Variants in PDGFD observed in about 807,000 individuals in gnomAD.
PDGFD encodes the protein platelet derived growth factor D.
PDGFD carries 30 observed loss-of-function variants against 44.7 expected under a neutral mutation model. The observed-to-expected ratio is 0.67, with a 90% CI of 0.50 to 0.91. PDGFD has a LOEUF of 0.91. Ranked by LOEUF, PDGFD falls within the 40% of genes least tolerant of loss-of-function variation. The pLI is 0.00. For missense variants in PDGFD, 445 were observed against 457.8 expected, an observed-to-expected ratio of 0.97 and a Z score of 0.25; for synonymous variants, 173 against 168.4, an observed-to-expected ratio of 1.03 and a Z score of -0.21.
At chr11:103,978,798 T>G (rs1859219897) in intron 3 of PDGFD, among the ~76,000 whole-genome samples, 1 of 152,096 alleles carries the variant, frequency 6.6e-6, no homozygotes, top group African/African-American at 2.4e-5. Flanking sequence ...TTTGAAGTGT[T>G]TCCAGTCTAG....
chr11:104,141,446 G>A (rs1862084979), intron 1 of PDGFD, among the ~76,000 whole-genome samples: 1 of 151,330 alleles, frequency 6.6e-6, no homozygotes, highest in Admixed American at 6.6e-5. Flanking sequence ...CACCCAGGCA[G>A]GAGTGCAGTG....
chr11:103,932,907 T>G (rs1458254273), intron 5 of PDGFD, among the ~76,000 whole-genome samples: 2 of 152,160 alleles, frequency 1.3e-5, no homozygotes, highest in African/African-American at 4.8e-5. Context: ...GGATGTGGTG[T>G]AGTGCGAAAG....
At chr11:103,921,090 C>A (rs1858208384) in intron 6 of PDGFD, among the ~76,000 whole-genome samples, 1 of 152,076 alleles carries the variant, frequency 6.6e-6, no homozygotes, top group Non-Finnish European at 1.5e-5. Flanking sequence ...GAACCAGAAC[C>A]CACATCTTTT....
intron 6 of PDGFD, among the ~76,000 whole-genome samples, chr11:103,915,202 C>A (rs10791651): frequency 0.38 from 57,263 of 152,002 alleles, 10,894 homozygotes; most frequent in East Asian, 0.45. Context: ...AAAACCCCAT[C>A]GTCTCAGGCC....
intron 1 of PDGFD, among the ~76,000 whole-genome samples, chr11:104,073,288 CA>C (rs1435710501): frequency 6.6e-6 from 1 of 152,056 alleles, no homozygotes; most frequent in Admixed American, 6.5e-5. Flanking sequence ...GTAATAATTG[CA>C]ATTTAAAAAT....
chr11:104,036,534 C>A, intron 1 of PDGFD: 1 of 453,096 alleles, frequency 2.2e-6, no homozygotes, highest in South Asian at 3.4e-5. Flanking sequence ...TTTGAGCCAT[C>A]GTGTATCCAT....
rs1393156063 is a variant in PDGFD, at chr11:104,112,167, TG to T, written c.124+51636del. On this transcript the variant is annotated intron_variant, in intron 1 of 6. Transcript: ENST00000393158. ...AAATAGTAAGATTAAATCAACAATGTGTTTTTAAAACTTAAGAATAGGGCCT... is the reference window on the plus strand; with the variant it reads ...AAATAGTAAGATTAAATCAACAATGTTTTTTAAAACTTAAGAATAGGGCCT... Among the ~76,000 whole-genome samples the T allele has an allele frequency of 3.9e-5, 6 of 152,332 alleles. No individual in the cohort carries two copies. The South Asian group carries it at 1.0e-3, about 26-fold the overall frequency.
chr11:104,042,648 C>A (rs1818106), intron 1 of PDGFD, among the ~76,000 whole-genome samples: 66,421 of 152,008 alleles, frequency 0.44, 15,463 homozygotes, highest in Admixed American at 0.56. Flanking sequence ...CTATGCTTCA[C>A]GCAGGGGTAT....
At chr11:104,128,147 G>C (rs933984225) in intron 1 of PDGFD, among the ~76,000 whole-genome samples, 2 of 113,838 alleles carry the variant, frequency 1.8e-5, no homozygotes, top group African/African-American at 6.9e-5. Context: ...ATCTGATTAA[G>C]TGTTAAATCT....
At chr11:103,916,704 A>T (rs551985516) in intron 6 of PDGFD, among the ~76,000 whole-genome samples, 1 of 152,352 alleles carries the variant, frequency 6.6e-6, no homozygotes, top group Non-Finnish European at 1.5e-5. Context: ...TCCATCAGTG[A>T]TAGACTGGAT....
At chr11:103,936,996 T>C (rs115195415) in intron 5 of PDGFD, among the ~76,000 whole-genome samples, 2,209 of 152,030 alleles carry the variant, frequency 0.015, 61 homozygotes, top group African/African-American at 0.051. Context: ...TGGCTAACTT[T>C]TGTATTTTTT....
intron 3 of PDGFD, among the ~76,000 whole-genome samples, chr11:103,984,189 C>G (rs944158030): frequency 6.6e-6 from 1 of 151,466 alleles, no homozygotes; most frequent in Non-Finnish European, 1.5e-5. Context: ...ATTGGATAAA[C>G]AAAATGTGGT....
intron 1 of PDGFD, among the ~76,000 whole-genome samples, chr11:104,156,192 T>C (rs758931301): frequency 6.6e-6 from 1 of 152,064 alleles, no homozygotes; most frequent in Non-Finnish European, 1.5e-5. Context: ...AAAAATAAAT[T>C]AATAATAAGA....
chr11:104,162,538 C>G (rs868692019), intron 1 of PDGFD, among the ~76,000 whole-genome samples: 2 of 152,070 alleles, frequency 1.3e-5, no homozygotes, highest in Non-Finnish European at 2.9e-5. Flanking sequence ...GAATCTTTTA[C>G]ATAAAAACGC....
intron 1 of PDGFD, among the ~76,000 whole-genome samples, chr11:104,104,945 T>C (rs556744741): frequency 2.6e-5 from 4 of 152,308 alleles, no homozygotes; most frequent in African/African-American, 7.2e-5. Context: ...AACTCTTATT[T>C]TTCACCAATA....
chr11:103,950,924 C>CA (rs753836843), intron 3 of PDGFD, among the ~76,000 whole-genome samples: 61 of 152,260 alleles, frequency 4.0e-4, no homozygotes, highest in Admixed American at 1.9e-3. Context: ...CATTTCCTTG[C>CA]ATAGACACAT....
intron 1 of PDGFD, among the ~76,000 whole-genome samples, chr11:104,103,299 C>A (rs1260887504): frequency 6.6e-6 from 1 of 151,688 alleles, no homozygotes; most frequent in African/African-American, 2.4e-5. Flanking sequence ...TAAGTATAAC[C>A]AAAATCTCTT....
chr11:103,992,826 A>T (rs781029715), intron 3 of PDGFD, among the ~76,000 whole-genome samples: 3 of 152,226 alleles, frequency 2.0e-5, no homozygotes, highest in Non-Finnish European at 4.4e-5. Flanking sequence ...AACCATGTAG[A>T]TGTGATTCCA....
chr11:103,960,744 A>C (rs1430742988), intron 3 of PDGFD, among the ~76,000 whole-genome samples: 3 of 152,222 alleles, frequency 2.0e-5, no homozygotes, highest in Admixed American at 2.0e-4. Context: ...TGTAAAGAAC[A>C]GAACTTTATT....
Sources: allele counts gnomAD v4.1 joint callset (sites outside exome capture counted in the v4.1 genomes callset), GRCh38; gene constraint gnomAD v4.1.1; transcripts MANE v1.5; gene names NCBI Gene and HGNC (gene_info 2026-07-23, HGNC 2026-07-21).